The following POMT2 variants were observed in gnomAD, a reference collection of about 807,000 sequenced individuals.
POMT2 encodes protein O-mannosyltransferase 2, also known as protein O-mannosyl-transferase 2.
POMT2 carries 75 observed loss-of-function variants against 100.0 expected under a neutral mutation model. The ratio of observed to expected loss-of-function variants is 0.75; its 90% CI spans 0.62 to 0.91. The LOEUF is 0.91. Ranked by LOEUF, POMT2 falls within the 40% of genes least tolerant of loss-of-function variation. POMT2 has a pLI of 0.00. For missense variants in POMT2, 940 were observed against 955.1 expected, an observed-to-expected ratio of 0.98 and a Z score of 0.21; for synonymous variants, 378 against 374.1, an observed-to-expected ratio of 1.01 and a Z score of -0.12.
intron 18 of POMT2, chr14:77,279,113 C>A: frequency 1.7e-6 from 1 of 592,078 alleles, no homozygotes; most frequent in South Asian, 1.9e-5. Context: ...CAGGAGGCAG[C>A]CCAGCCTCTA....
chr14:77,287,550 A>ATG (rs1354650648), intron 11 of POMT2: 2 of 99,842 alleles, frequency 2.0e-5, no homozygotes, highest in African/African-American at 5.9e-5. Flanking sequence ...CTCTCTATAT[A>ATG]TATATATATA....
In POMT2 at chr14:77,320,439, G is replaced by A. The variant is rs1221774709; in HGVS notation, c.243C>T (p.His81=). ...GAGTCCCTCCCATCACTCACCAGAT[G>A]TGCGGCGGCTCGTCCAAGCGGTGGA... is the stretch of plus-strand genomic sequence containing the variant. ...TRFHRLDEPP[H]ICWDETHFGK... Residue 81 remains histidine (H), a synonymous_variant, in exon 1 of 21, where the codon CAC becomes CAT. Transcript: ENST00000261534. The A allele has an allele frequency of 2.6e-6, 4 of 1,546,590 alleles. No homozygotes were observed. The highest frequency in any genetic ancestry group is 3.5e-6 in the Non-Finnish European group (4 of 1,146,884).
rs543231301 is a variant in POMT2, at chr14:77,300,949, G to A, written c.816+141C>T. 7.1e-4 allele frequency: 1,076 copies of A among 1,517,306 alleles called. 13 individuals are homozygous for A. In the South Asian group the frequency reaches 0.012, roughly 16 times the overall value. 94.0% of individuals were successfully genotyped at this position (1,517,306 alleles called of 1,614,324 possible). A position where few individuals can be genotyped will look rare whatever the true frequency, so the allele number is the denominator to read the frequency against. ...CACTCCCTGATGTCCTGCTGTCTGCGGAGGTTGGGGGGTCCAGCCCACCTG... is the reference window on the plus strand; with the variant it reads ...CACTCCCTGATGTCCTGCTGTCTGCAGAGGTTGGGGGGTCCAGCCCACCTG... On this transcript the variant is annotated intron_variant, in intron 6 of 20. Coordinates refer to ENST00000261534, the MANE Select transcript of POMT2 (RefSeq NM_013382.7).
rs749276761 is a variant in POMT2, at chr14:77,285,639, T to A, written c.1333-7A>T. 6.2e-7 allele frequency: 1 copy of A among 1,611,510 alleles called. No homozygotes were observed. Among genetic ancestry groups the A allele is most frequent in the Admixed American group, 1.7e-5 (1 of 60,004 alleles). On this transcript the variant is annotated splice_polypyrimidine_tract_variant and splice_region_variant and intron_variant, in intron 12 of 20. Transcript: ENST00000261534. ...TTGAGTCCCCTGTTCCATTCTGCCA[T>A]AAAAGCCAAGAAAAAAATACAAAGA... is the stretch of plus-strand genomic sequence containing the variant.
intron 4 of POMT2, among the ~76,000 whole-genome samples, 168 bp downstream of exon 4, chr14:77,304,524 T>C (rs1310675983): frequency 6.6e-6 from 1 of 152,238 alleles, no homozygotes; most frequent in Non-Finnish European, 1.5e-5. Context: ...TAACTATTGA[T>C]ATACATTAAG....
intron 15 of POMT2, among the ~76,000 whole-genome samples, chr14:77,281,621 C>T (rs530877914): frequency 1.8e-4 from 27 of 152,268 alleles, no homozygotes; most frequent in Admixed American, 1.8e-3. Flanking sequence ...GGCATTTCCC[C>T]AGAAGGGGAG....
At position 77,279,926 on chromosome 14, in the gene POMT2, C is replaced by A. The variant is rs1434961660; in HGVS notation, c.1788G>T (p.Val596=). ...DFRVYLLGNP[V]VWWLNLLSIA... ...TGCTCAACAGATTCAGCCACCAAAC[C>A]ACCTGTGCAGAAATGGGAATGGGCA... Residue 596 remains valine (V), a splice_region_variant and synonymous_variant, in exon 18 of 21, where the codon GTG becomes GTT. Transcript: ENST00000261534. 2 of 1,614,166 alleles carry A rather than the reference C, an allele frequency of 1.2e-6. No homozygotes were observed. The highest frequency in any genetic ancestry group is 1.7e-6 in the Non-Finnish European group (2 of 1,180,020).
chr14:77,315,274 G>GT (rs1891584323), intron 1 of POMT2, among the ~76,000 whole-genome samples: 1 of 152,180 alleles, frequency 6.6e-6, no homozygotes, highest in Non-Finnish European at 1.5e-5. Flanking sequence ...CACTGGGGAG[G>GT]TCGTGATGCA....
rs200992827 is a variant in POMT2, at chr14:77,320,453, C to T, written c.229G>A (p.Asp77Asn). The change falls in exon 1 of 21, where the codon GAC (aspartate) becomes AAC (asparagine). Residue 77 changes from aspartate to asparagine, a missense_variant. Coordinates refer to ENST00000261534, the MANE Select transcript of POMT2 (RefSeq NM_013382.7). ...LSFATRFHRL[D>N]EPPHICWDET... Reference sequence around the variant, plus strand: ...ACTCACCAGATGTGCGGCGGCTCGTCCAAGCGGTGGAAGCGGGTGGCGAAG... The same window carrying T: ...ACTCACCAGATGTGCGGCGGCTCGTTCAAGCGGTGGAAGCGGGTGGCGAAG... 162 of 1,546,402 alleles carry T rather than the reference C, an allele frequency of 1.0e-4. No homozygotes were observed. In the African/African-American group the frequency reaches 1.7e-3, roughly 16 times the overall value.
Position 77,286,761 on chromosome 14 carries a change from C to T in POMT2, c.1315G>A (p.Val439Ile). Residue 439 changes from valine to isoleucine, a missense_variant, in exon 12 of 21, where the codon GTC becomes ATC. Coordinates refer to ENST00000261534, the MANE Select transcript of POMT2 (RefSeq NM_013382.7). ...TTACTTACTATGCCATAGCCGGTGACCTGATAGTGCTTCCGGGTCATGGGG... is the reference window on the plus strand; with the variant it reads ...TTACTTACTATGCCATAGCCGGTGATCTGATAGTGCTTCCGGGTCATGGGG... ...EAPMTRKHYQ[V>I]TGYGINGTGD... 1 of 1,614,142 alleles carries T rather than the reference C, an allele frequency of 6.2e-7. No homozygotes were observed. Among genetic ancestry groups the T allele is most frequent in the African/African-American group, 1.3e-5 (1 of 75,038 alleles).
intron 6 of POMT2, 185 bp downstream of exon 6, chr14:77,300,905 T>G (rs942785397): frequency 2.1e-6 from 2 of 931,112 alleles, no homozygotes; most frequent in Non-Finnish European, 3.3e-6. Flanking sequence ...TTGAACCCTA[T>G]CCAGTCCTCA....
chr14:77,287,249 G>A lies in POMT2; in HGVS notation c.1254-427C>T, dbSNP rs894559193. ...GCCACTTACTCTTTCTGCTCCCATC[G>A]CCAGATTTTTTTAAGTGGACATCTG... On this transcript the variant is annotated intron_variant, in intron 11 of 20. Coordinates refer to ENST00000261534, the MANE Select transcript of POMT2 (RefSeq NM_013382.7). 8.9e-5 allele frequency: 17 copies of A among 191,960 alleles called. No individual in the cohort carries two copies. In the South Asian group the frequency reaches 1.6e-3, roughly 18 times the overall value. 11.9% of individuals were successfully genotyped at this position (191,960 alleles called of 1,614,324 possible).
chr14:77,304,906 T>G, intron 3 of POMT2, 106 bp from the exon 4 acceptor site: 1 of 1,526,296 alleles, frequency 6.6e-7, no homozygotes, highest in South Asian at 1.2e-5. Flanking sequence ...GATGAAGGCA[T>G]GACTTTGGTG....
In POMT2 at chr14:77,299,553, C is replaced by G. The variant is rs779272258; in HGVS notation, c.825G>C (p.Val275=). 1 of 1,614,102 alleles carries G rather than the reference C, an allele frequency of 6.2e-7. No homozygotes were observed. The highest frequency in any genetic ancestry group is 8.5e-7 in the Non-Finnish European group (1 of 1,179,972). ...FGDLSLSLVT[V]GKHLTARVLC... ...GGACACGAGCAGTCAGGTGTTTTCCCACAGTCACCTGCAAACAGAGGCCAG... is the reference window on the plus strand; with the variant it reads ...GGACACGAGCAGTCAGGTGTTTTCCGACAGTCACCTGCAAACAGAGGCCAG... Residue 275 remains valine, a synonymous_variant, in exon 7 of 21, where the codon GTG becomes GTC. Coordinates refer to ENST00000261534, the MANE Select transcript of POMT2 (RefSeq NM_013382.7).
chr14:77,282,751 C>G (rs1015095448), intron 15 of POMT2, among the ~76,000 whole-genome samples: 2 of 152,188 alleles, frequency 1.3e-5, no homozygotes, highest in Admixed American at 6.5e-5. Context: ...AAAATTTAAT[C>G]TGGTGAAATA....
At chr14:77,279,142 T>C (rs534788690) in intron 18 of POMT2, 2 of 527,546 alleles carry the variant, frequency 3.8e-6, no homozygotes, top group East Asian at 7.0e-5. Context: ...CTTCTGCGCC[T>C]GCAGACAGCT....
chr14:77,305,815 C>CA (rs1283776663), intron 3 of POMT2, among the ~76,000 whole-genome samples: 2 of 152,198 alleles, frequency 1.3e-5, no homozygotes, highest in African/African-American at 4.8e-5. Flanking sequence ...AGACATTTGG[C>CA]CTCCCTTCAA....
chr14:77,284,863 A>C, intron 14 of POMT2, 87 bp downstream of exon 14: 1 of 1,182,920 alleles, frequency 8.5e-7, no homozygotes, highest in Non-Finnish European at 1.3e-6. Flanking sequence ...AAGGGATAGC[A>C]CAGTTTACAA....
At position 77,299,666 on chromosome 14, in the gene POMT2, T is replaced by C. The variant is rs114477078; in HGVS notation, c.817-105A>G. The C allele has an allele frequency of 1.6e-3, 1,471 of 903,008 alleles. 17 individuals carry two copies. The African/African-American group carries it at 0.021, about 13-fold the overall frequency. The allele number at this position is 903,008 out of a possible 1,614,324, so 55.9% of individuals were successfully genotyped here. On this transcript the variant is annotated intron_variant, in intron 6 of 20. Coordinates refer to ENST00000261534, the MANE Select transcript of POMT2 (RefSeq NM_013382.7). ...GCTTTTAATATATCAGTCATAATCA[T>C]AAAAAATGGCCAAGAGGAGAGAGAA...
Sources: allele counts gnomAD v4.1 joint callset (sites outside exome capture counted in the v4.1 genomes callset), GRCh38; gene constraint gnomAD v4.1.1; transcripts MANE v1.5; gene names NCBI Gene and HGNC (gene_info 2026-07-23, HGNC 2026-07-21).